The following SFMBT2 variants were observed in gnomAD, a reference collection of about 807,000 sequenced individuals.
SFMBT2 encodes the protein Scm like with four mbt domains 2.
Under a neutral mutation model 110.1 loss-of-function variants are expected in SFMBT2, and 38 were observed. The ratio of observed to expected loss-of-function variants is 0.35; its 90% CI spans 0.27 to 0.45. The LOEUF (loss-of-function observed/expected upper bound fraction) is 0.45, where lower values mean the gene tolerates loss of function less well. SFMBT2 is among the 20% of genes least tolerant of loss of function. The pLI is 1.00. For synonymous variants in SFMBT2, 425 were observed against 425.4 expected, an observed-to-expected ratio of 1.00 and a Z score of 0.01; for missense variants, 1,011 against 1,094.9, an observed-to-expected ratio of 0.92 and a Z score of 1.08.
Position 7,289,931 on chromosome 10 carries a change from C to G in SFMBT2, c.437-3977G>C, listed in dbSNP as rs1033973842. ...TCAGTGTGACCATTTAAACTTCTAA[C>G]TAGAAATTTTAAAACTATAAACTTT... On this transcript the variant is annotated intron_variant, in intron 4 of 20. Coordinates refer to ENST00000397167, the MANE Select transcript of SFMBT2 (RefSeq NM_001387889.1). 7.2e-5 allele frequency among the ~76,000 whole-genome samples: 11 copies of G among 152,190 alleles called. 1 individual carries two copies. Among genetic ancestry groups the G allele is most frequent in the Admixed American group, 6.5e-4 (10 of 15,280 alleles).
chr10:7,386,032 A>G (rs951394900), intron 1 of SFMBT2, among the ~76,000 whole-genome samples: 22 of 152,132 alleles, frequency 1.4e-4, no homozygotes, highest in African/African-American at 5.3e-4. Flanking sequence ...TCTCCTTACA[A>G]GCTCTCAGAT....
intron 16 of SFMBT2, among the ~76,000 whole-genome samples, chr10:7,186,889 T>C (rs1838431638): frequency 6.6e-6 from 1 of 152,242 alleles, no homozygotes; most frequent in Non-Finnish European, 1.5e-5. Context: ...TCTCGCACAG[T>C]TGAAACCCAG....
intron 11 of SFMBT2, chr10:7,215,481 A>T: frequency 1.2e-6 from 1 of 840,704 alleles, no homozygotes; most frequent in Non-Finnish European, 1.4e-6. Flanking sequence ...TCCATAGATT[A>T]ATTAATGTTG....
At chr10:7,249,530 C>A in intron 7 of SFMBT2, 1 of 985,258 alleles carries the variant, frequency 1.0e-6, no homozygotes, top group Non-Finnish European at 1.2e-6. Flanking sequence ...ATAAATCCTG[C>A]GATTTCCAAA....
Position 7,202,510 on chromosome 10 carries a change from CTCT to C in SFMBT2, c.1454_1456del (p.Lys485del). On this transcript the variant is annotated inframe_deletion, in exon 13 of 21. Coordinates refer to ENST00000397167, the MANE Select transcript of SFMBT2 (RefSeq NM_001387889.1). ...CTCTGGTTGCACGACTGCAATCTTT[CTCT>C]TCTTTTGTGCTGTAGAAAAGGCAAA... 6.2e-7 allele frequency: 1 copy of C among 1,614,184 alleles called. No homozygotes were observed. Among genetic ancestry groups the C allele is most frequent in the South Asian group, 1.1e-5 (1 of 91,082 alleles).
intron 4 of SFMBT2, among the ~76,000 whole-genome samples, chr10:7,333,653 GTT>G (rs1319845848): frequency 6.6e-6 from 1 of 151,460 alleles, no homozygotes; most frequent in Non-Finnish European, 1.5e-5. Flanking sequence ...AAATGCAAAA[GTT>G]TTCATTGACT....
intron 4 of SFMBT2, among the ~76,000 whole-genome samples, chr10:7,349,685 C>G (rs1844248346): frequency 6.6e-6 from 1 of 151,876 alleles, no homozygotes; most frequent in Non-Finnish European, 1.5e-5. Context: ...TCTCAAACTC[C>G]TGACCTAGGG....
chr10:7,210,715 C>T (rs150646362), intron 11 of SFMBT2, among the ~76,000 whole-genome samples: 1 of 152,254 alleles, frequency 6.6e-6, no homozygotes, highest in East Asian at 1.9e-4. Context: ...GAAGCCCCAC[C>T]TGCCCTCTGG....
rs1026506704 is a variant in SFMBT2, at chr10:7,301,747, G to A, written c.437-15793C>T. 6.6e-5 allele frequency among the ~76,000 whole-genome samples: 10 copies of A among 152,264 alleles called. 2 individuals carry two copies. Among genetic ancestry groups the A allele is most frequent in the Admixed American group, 6.5e-4 (10 of 15,284 alleles). ...AGAAGTCACCTAGTATGAGAGCCACGCCTCTCTACAGATGCTAGGAGTCCC... is the reference window on the plus strand; with the variant it reads ...AGAAGTCACCTAGTATGAGAGCCACACCTCTCTACAGATGCTAGGAGTCCC... On this transcript the variant is annotated intron_variant, in intron 4 of 20. Transcript: ENST00000397167. The surrounding 1 kb of genome is among the most constrained non-coding windows in gnomAD (Gnocchi z 4.2).
Position 7,368,772 on chromosome 10 carries a change from A to G in SFMBT2, c.196-883T>C, listed in dbSNP as rs548417600. 4.6e-5 allele frequency among the ~76,000 whole-genome samples: 7 copies of G among 152,382 alleles called. No homozygotes were observed. In the South Asian group the frequency reaches 1.4e-3, roughly 32 times the overall value. On this transcript the variant is annotated intron_variant, in intron 3 of 20. Transcript: ENST00000397167. ...AACTGCCAAATCATCTCAGCATCTT[A>G]AGATATAAATGTTACAATGGCTTTT...
intron 4 of SFMBT2, among the ~76,000 whole-genome samples, chr10:7,325,525 A>C (rs1208201726): frequency 6.6e-6 from 1 of 152,200 alleles, no homozygotes; most frequent in African/African-American, 2.4e-5. Context: ...TCTTCTTCTA[A>C]ATACATATTC....
At chr10:7,364,497 T>C (rs1387562177) in intron 4 of SFMBT2, among the ~76,000 whole-genome samples, 1 of 152,234 alleles carries the variant, frequency 6.6e-6, no homozygotes, top group African/African-American at 2.4e-5. Flanking sequence ...CTCTGCCCTC[T>C]TTCTCAAGCA....
In SFMBT2 at chr10:7,177,679, G is replaced by T. The variant is rs564038292; in HGVS notation, c.1809-1514C>A. ...CAGAGGTTTAAGACCAGACTGAGCA[G>T]CATAGCGAGACCCCCATCTCTACAA... is the stretch of plus-strand genomic sequence containing the variant. On this transcript the variant is annotated intron_variant, in intron 16 of 20. Coordinates refer to ENST00000397167, the MANE Select transcript of SFMBT2 (RefSeq NM_001387889.1). Among the ~76,000 whole-genome samples, 184 of 152,146 alleles carry T rather than the reference G, an allele frequency of 1.2e-3. 1 individual carries two copies. The highest frequency in any genetic ancestry group is 4.3e-3 in the African/African-American group (180 of 41,488).
chr10:7,214,540 A>T, intron 11 of SFMBT2: 3 of 984,168 alleles, frequency 3.0e-6, no homozygotes, highest in African/African-American at 1.7e-5. Flanking sequence ...TCTTGTGTTT[A>T]AATACCTATG....
chr10:7,405,274 C>A (rs1356992486), intron 1 of SFMBT2, among the ~76,000 whole-genome samples: 2 of 152,210 alleles, frequency 1.3e-5, no homozygotes, highest in Non-Finnish European at 2.9e-5. Flanking sequence ...ACTGTGCTAT[C>A]TGGAAGAGTC....
At chr10:7,164,269 G>T in intron 20 of SFMBT2, 1 of 594,000 alleles carries the variant, frequency 1.7e-6, no homozygotes, top group Non-Finnish European at 2.1e-6. Context: ...AACCTGTGAT[G>T]CCAGCTACTC....
intron 4 of SFMBT2, among the ~76,000 whole-genome samples, chr10:7,326,585 T>C (rs1471738523): frequency 6.6e-6 from 1 of 152,224 alleles, no homozygotes; most frequent in Non-Finnish European, 1.5e-5. Flanking sequence ...CATGTAAAGA[T>C]TATCAGTAAT....
intron 6 of SFMBT2, among the ~76,000 whole-genome samples, chr10:7,281,844 C>CT (rs976153827): frequency 1.1e-3 from 169 of 151,968 alleles, no homozygotes; most frequent in African/African-American, 3.8e-3. Context: ...TTTCCAGAAT[C>CT]TTTTTTTTGT....
intron 10 of SFMBT2, among the ~76,000 whole-genome samples, chr10:7,222,414 G>A (rs1437014030): frequency 6.6e-6 from 1 of 152,202 alleles, no homozygotes; most frequent in African/African-American, 2.4e-5. Context: ...ATTTTGTCAT[G>A]GTCCTGGAGG....
Sources: allele counts gnomAD v4.1 joint callset (sites outside exome capture counted in the v4.1 genomes callset), GRCh38; gene constraint gnomAD v4.1.1; non-coding constraint Gnocchi (gnomAD v3.1); transcripts MANE v1.5; gene names NCBI Gene and HGNC (gene_info 2026-07-23, HGNC 2026-07-21).